CACNB2: variants seen among roughly 807,000 people sequenced by gnomAD.
The protein encoded by CACNB2 is calcium voltage-gated channel auxiliary subunit beta 2, also known as voltage-dependent L-type calcium channel subunit beta-2.
In CACNB2, 42 loss-of-function variants were observed where a neutral mutation model predicts 73.3. That is an observed-to-expected ratio of 0.57 (90% CI 0.45 to 0.74). The LOEUF (loss-of-function observed/expected upper bound fraction) is 0.74, where lower values mean the gene tolerates loss of function less well. Ranked by LOEUF, CACNB2 falls within the 30% of genes least tolerant of loss-of-function variation. CACNB2 has a pLI of 0.00. For missense variants in CACNB2, 940 were observed against 853.0 expected (o/e 1.10, Z -1.27); for synonymous variants, 348 against 310.3 (o/e 1.12, Z -1.28).
chr10:18,261,425 A>T (rs1218210272), intron 2 of CACNB2: 1 of 1,423,858 alleles, frequency 7.0e-7, no homozygotes, highest in Non-Finnish European at 9.7e-7. Flanking sequence ...TGCTGAACCA[A>T]CCAGACAGTC....
chr10:18,203,704 G>A (rs2034980087), intron 2 of CACNB2, among the ~76,000 whole-genome samples: 1 of 152,166 alleles, frequency 6.6e-6, no homozygotes, highest in African/African-American at 2.4e-5. Context: ...ATATGGTAAT[G>A]AAGAATGAAC....
intron 2 of CACNB2, among the ~76,000 whole-genome samples, chr10:18,187,646 A>G (rs868156580): frequency 1.3e-5 from 2 of 152,128 alleles, no homozygotes; most frequent in South Asian, 4.1e-4. Flanking sequence ...ATTATACACC[A>G]TGGTCCTGAG....
intron 2 of CACNB2, among the ~76,000 whole-genome samples, chr10:18,385,537 G>C (rs2132406095): frequency 6.7e-6 from 1 of 150,192 alleles, no homozygotes; most frequent in East Asian, 2.0e-4. Flanking sequence ...TGAGGCAGGA[G>C]AATCGCTTGA....
intron 2 of CACNB2, among the ~76,000 whole-genome samples, chr10:18,301,974 T>C (rs1422186962): frequency 2.6e-5 from 4 of 151,942 alleles, no homozygotes; most frequent in Non-Finnish European, 2.9e-5. Context: ...AGGAAGGAGA[T>C]GAATATGTCA....
intron 2 of CACNB2, among the ~76,000 whole-genome samples, chr10:18,338,242 G>A (rs76689809): frequency 6.6e-6 from 1 of 152,342 alleles, no homozygotes; most frequent in African/African-American, 2.4e-5. Flanking sequence ...ATTTTAAAAT[G>A]TATGAAGGAC....
chr10:18,454,106 A>C (rs1049690677), intron 3 of CACNB2, among the ~76,000 whole-genome samples: 3 of 152,226 alleles, frequency 2.0e-5, no homozygotes, highest in African/African-American at 7.2e-5. Flanking sequence ...AAATGTAAAC[A>C]GGACAGTGAG....
chr10:18,314,087 T>C (rs2040063034), intron 2 of CACNB2, among the ~76,000 whole-genome samples: 1 of 149,340 alleles, frequency 6.7e-6, no homozygotes, highest in Non-Finnish European at 1.5e-5. Context: ...TGAATATTGA[T>C]TGTTGAGTGA....
At position 18,389,939 on chromosome 10, in the gene CACNB2, C is replaced by A. The variant is rs188212278; in HGVS notation, c.214-11985C>A. Among the ~76,000 whole-genome samples, 165 of 152,296 alleles carry A rather than the reference C, an allele frequency of 1.1e-3. 1 individual carries two copies. The highest frequency in any genetic ancestry group is 1.8e-3 in the Non-Finnish European group (125 of 68,012). On this transcript the variant is annotated intron_variant, in intron 2 of 13. Transcript: ENST00000324631. The stretch of plus-strand genomic sequence containing the variant: ...TTAATATCCTTTATTTATATCAATT[C>A]ATTTCTTACTGTTTTACTTATCAAT...
At chr10:18,472,232 T>C (rs1489614744) in intron 3 of CACNB2, among the ~76,000 whole-genome samples, 2 of 18,214 alleles carry the variant, frequency 1.1e-4, no homozygotes, top group Non-Finnish European at 2.2e-4. Context: ...TTTTTTTTTT[T>C]TTTTTTTTTT....
chr10:18,276,438 A>T (rs1490883550), intron 2 of CACNB2, among the ~76,000 whole-genome samples: 2 of 152,192 alleles, frequency 1.3e-5, no homozygotes, highest in Non-Finnish European at 2.9e-5. Flanking sequence ...TTGACTTAGG[A>T]ATTTGAATGG....
chr10:18,176,072 A>G (rs2033571782), intron 2 of CACNB2, among the ~76,000 whole-genome samples: 1 of 152,240 alleles, frequency 6.6e-6, no homozygotes. Flanking sequence ...AGCCTGTTAT[A>G]CATGAGAATA....
chr10:18,533,863 G>C (rs1041498392), intron 10 of CACNB2, among the ~76,000 whole-genome samples: 2 of 152,100 alleles, frequency 1.3e-5, no homozygotes, highest in African/African-American at 4.8e-5. Context: ...TTCTGTAGCC[G>C]GTTGACAGAA....
At chr10:18,299,434 C>T (rs954337326) in intron 2 of CACNB2, among the ~76,000 whole-genome samples, 6 of 152,204 alleles carry the variant, frequency 3.9e-5, no homozygotes, top group Non-Finnish European at 8.8e-5. Flanking sequence ...AGCGTGGCTG[C>T]ACCTCTGGCC....
chr10:18,388,903 G>A (rs906070200), intron 2 of CACNB2, among the ~76,000 whole-genome samples: 2 of 152,070 alleles, frequency 1.3e-5, no homozygotes, highest in African/African-American at 2.4e-5. Context: ...CAGGAGACCT[G>A]GTCCTTGCCT....
At chr10:18,165,011 A>G (rs1210733265) in intron 2 of CACNB2, among the ~76,000 whole-genome samples, 2 of 152,144 alleles carry the variant, frequency 1.3e-5, no homozygotes, top group Non-Finnish European at 2.9e-5. Flanking sequence ...ACAAAATAAC[A>G]TGGTTCCTAG....
At position 18,259,570 on chromosome 10, in the gene CACNB2, A is replaced by AAAAAC. The variant is rs2037439663; in HGVS notation, c.213+108599_213+108600insCAAAA. 9.4e-4 allele frequency among the ~76,000 whole-genome samples: 110 copies of AAAAAC among 116,884 alleles called. 5 individuals are homozygous for AAAAAC. The highest frequency in any genetic ancestry group is 1.1e-3 in the Non-Finnish European group (62 of 56,392). The allele number at this position is 116,884 out of a possible 152,430, so 76.7% of individuals were successfully genotyped here. ...AAAAAAAACAAAAAACAAACAAAAA[A>AAAAAC]AAAAAGTAAAAGTAGCCAGGCATGG... On this transcript the variant is annotated intron_variant, in intron 2 of 13. Transcript: ENST00000324631.
intron 2 of CACNB2, among the ~76,000 whole-genome samples, chr10:18,349,569 GAGCCAGACACAAGGAGACAAATAC>G (rs2041618090): frequency 6.6e-6 from 1 of 152,122 alleles, no homozygotes; most frequent in African/African-American, 2.4e-5. Flanking sequence ...TAGGTGAGAT[GAGCCAGACACAAGGAGACAAATAC>G]AGAATGACCC....
chr10:18,236,400 A>T (rs934881629), intron 2 of CACNB2, among the ~76,000 whole-genome samples: 1 of 152,270 alleles, frequency 6.6e-6, no homozygotes, highest in African/African-American at 2.4e-5. Context: ...TCACAAATCC[A>T]TAAAAAACAG....
intron 10 of CACNB2, among the ~76,000 whole-genome samples, chr10:18,532,739 C>T (rs1024106185): frequency 6.8e-6 from 1 of 147,132 alleles, no homozygotes; most frequent in Non-Finnish European, 1.5e-5. Context: ...AAAAAACCCA[C>T]ATATTAAACT....
Sources: gnomAD v4.1 joint callset for allele counts (sites outside exome capture counted in the v4.1 genomes callset) on GRCh38, gnomAD v4.1.1 for gene constraint, MANE v1.5 for transcripts, NCBI Gene and HGNC (gene_info 2026-07-23, HGNC 2026-07-21) for gene names.